MNS1: variants seen among roughly 807,000 people sequenced by gnomAD.
The protein encoded by MNS1 is meiosis specific nuclear structural 1.
A neutral mutation model predicts 72.0 loss-of-function variants in MNS1; 63 were observed. The observed-to-expected ratio is 0.87, with a 90% CI of 0.71 to 1.08. MNS1 has a LOEUF of 1.08. Among genes scored for constraint, MNS1 ranks in the 50% least tolerant of loss-of-function variants. MNS1 has a pLI of 0.00. For synonymous variants in MNS1, 188 were observed against 172.1 expected, an observed-to-expected ratio of 1.09 and a Z score of -0.72; for missense variants, 604 against 562.4, an observed-to-expected ratio of 1.07 and a Z score of -0.75.
At chr15:56,456,725 A>G (rs1462626759) in intron 2 of MNS1, among the ~76,000 whole-genome samples, 2 of 152,186 alleles carry the variant, frequency 1.3e-5, no homozygotes, top group African/African-American at 4.8e-5. Flanking sequence ...AATAGTAAGA[A>G]GAATATTTAA....
intron 2 of MNS1, among the ~76,000 whole-genome samples, chr15:56,458,159 A>G (rs1341213278): frequency 6.6e-6 from 1 of 152,258 alleles, no homozygotes; most frequent in Non-Finnish European, 1.5e-5. Context: ...TTCTTGGTAC[A>G]TGTTATTTTT....
chr15:56,453,943 T>C (rs777338416), intron 3 of MNS1, among the ~76,000 whole-genome samples: 2 of 152,252 alleles, frequency 1.3e-5, no homozygotes, highest in East Asian at 3.9e-4. Flanking sequence ...TTAAATAAAT[T>C]AGGACACATT....
At chr15:56,439,227 T>C (rs959726620) in intron 7 of MNS1, among the ~76,000 whole-genome samples, 10 of 152,108 alleles carry the variant, frequency 6.6e-5, no homozygotes, top group Non-Finnish European at 1.5e-4. Context: ...ACGTACAGGA[T>C]TTGTATGCTG....
In MNS1 at chr15:56,464,107, A is replaced by G. The variant is rs1211978496; in HGVS notation, c.144T>C (p.Asp48=). 6.2e-7 allele frequency: 1 copy of G among 1,614,168 alleles called. No individual in the cohort carries two copies. The highest frequency in any genetic ancestry group is 8.5e-7 in the Non-Finnish European group (1 of 1,180,018). Residue 48 remains aspartate, a synonymous_variant, in exon 2 of 10, where the codon GAT becomes GAC. Coordinates refer to ENST00000260453, the MANE Select transcript of MNS1 (RefSeq NM_018365.4). ...IRNQMVQNEN[D]NRVQRKQFLR... ...GAAATTGCTTGCGCTGAACACGGTT[A>G]TCATTTTCATTCTGCACCATTTGAT...
Position 56,446,879 on chromosome 15 carries a change from G to A in MNS1, c.418C>T (p.Gln140Ter). The change falls in exon 4 of 10, where the codon CAG becomes TAG. Residue 140 changes from glutamine to a stop codon, truncating the protein, a stop_gained. Transcript: ENST00000260453. LOFTEE classifies it high-confidence loss of function. ...TTAATGGCATCCTTTTCAGCAATCT[G>A]AGCTGCCCTTTCTTTATTCATGTAA... Reference protein sequence around the residue: ...AAYMNKERAAQIAEKDAIKYE... With the variant: ...AAYMNKERAA 3 of 1,610,510 alleles carry A rather than the reference G, an allele frequency of 1.9e-6. No individual in the cohort carries two copies. Among genetic ancestry groups the A allele is most frequent in the Non-Finnish European group, 2.5e-6 (3 of 1,178,976 alleles).
intron 3 of MNS1, among the ~76,000 whole-genome samples, chr15:56,453,131 A>G (rs774623290): frequency 2.6e-5 from 4 of 152,182 alleles, no homozygotes; most frequent in Non-Finnish European, 4.4e-5. Context: ...TTGACAATGC[A>G]AGATTCTTGA....
chr15:56,452,769 C>T (rs1435603827), intron 3 of MNS1, among the ~76,000 whole-genome samples: 27 of 152,074 alleles, frequency 1.8e-4, no homozygotes, highest in Admixed American at 1.3e-3. Flanking sequence ...CCACTCACCT[C>T]GGCCTCCCAA....
chr15:56,446,978 G>T, intron 3 of MNS1, 35 bp from the exon 4 acceptor site: 1 of 1,460,090 alleles, frequency 6.8e-7, no homozygotes, highest in Non-Finnish European at 9.5e-7. Flanking sequence ...TTAAATGTTA[G>T]GACCATAAGA....
In MNS1 at chr15:56,464,176, T is replaced by C; in HGVS notation, c.75A>G (p.Lys25=). 2.5e-6 allele frequency: 4 copies of C among 1,614,080 alleles called. No homozygotes were observed. Among genetic ancestry groups the C allele is most frequent in the Non-Finnish European group, 3.4e-6 (4 of 1,180,020 alleles). The change falls in exon 2 of 10, where the codon AAA becomes AAG. Residue 25 remains lysine (K), a synonymous_variant. Transcript: ENST00000260453. ...CGTTTTTTAGAGCTTGGACATGTAA[T>C]TTTTTGCAGTAGTTTTCATCTACTA... ...QKLVDENYCK[K]LHVQALKNVN...
At chr15:56,439,524 G>A (rs1206029442) in intron 7 of MNS1, among the ~76,000 whole-genome samples, 3 of 151,610 alleles carry the variant, frequency 2.0e-5, no homozygotes, top group Non-Finnish European at 4.4e-5. Context: ...TGGATACATA[G>A]ACCAACAGAA....
chr15:56,443,872 G>A lies in MNS1; in HGVS notation c.687-18C>T, dbSNP rs1218987928. On this transcript the variant is annotated intron_variant, in intron 5 of 9. Coordinates refer to ENST00000260453, the MANE Select transcript of MNS1 (RefSeq NM_018365.4). Reference sequence around the variant, plus strand: ...GTTTTTCCCTGAAAAGCAATAACAAGTACAGATTTATAGTAAACAATAAAA... The same window carrying A: ...GTTTTTCCCTGAAAAGCAATAACAAATACAGATTTATAGTAAACAATAAAA... The A allele has an allele frequency of 1.9e-6, 3 of 1,545,156 alleles. No individual in the cohort carries two copies. The highest frequency in any genetic ancestry group is 2.3e-5 in the East Asian group (1 of 44,324).
intron 2 of MNS1, among the ~76,000 whole-genome samples, chr15:56,460,729 A>G (rs1345887604): frequency 2.0e-5 from 3 of 152,244 alleles, no homozygotes; most frequent in African/African-American, 7.2e-5. Context: ...TGATAACCCA[A>G]GAATTATGAG....
In MNS1 at chr15:56,465,064, G is replaced by C; in HGVS notation, c.-92C>G. 2.0e-6 allele frequency: 3 copies of C among 1,537,822 alleles called. No homozygotes were observed. Among genetic ancestry groups the C allele is most frequent in the Non-Finnish European group, 2.6e-6 (3 of 1,137,466 alleles). On this transcript the variant is annotated 5_prime_UTR_variant, in exon 1 of 10. Coordinates refer to ENST00000260453, the MANE Select transcript of MNS1 (RefSeq NM_018365.4). Reference sequence around the variant, plus strand: ...GCCAGCAGCCCCAAGGAGCGCACCTGGCTGCGCGCGCTCGGGTGTTTACGC... The same window carrying C: ...GCCAGCAGCCCCAAGGAGCGCACCTCGCTGCGCGCGCTCGGGTGTTTACGC...
chr15:56,444,190 G>C (rs2050868156), intron 5 of MNS1, among the ~76,000 whole-genome samples: 1 of 151,956 alleles, frequency 6.6e-6, no homozygotes, highest in Non-Finnish European at 1.5e-5. Context: ...CATATGATAT[G>C]GGCATATATA....
intron 7 of MNS1, among the ~76,000 whole-genome samples, 190 bp from the exon 8 acceptor site, chr15:56,434,585 G>T (rs763744295): frequency 6.6e-6 from 1 of 152,038 alleles, no homozygotes; most frequent in Non-Finnish European, 1.5e-5. Flanking sequence ...CTTACATTTG[G>T]ATTGTTTTCT....
At chr15:56,431,739 G>C (rs1287114619) in intron 8 of MNS1, among the ~76,000 whole-genome samples, 1 of 151,744 alleles carries the variant, frequency 6.6e-6, no homozygotes. Flanking sequence ...ATATTTTCAG[G>C]AAAGTGTCTT....
chr15:56,461,004 C>T (rs770851111), intron 2 of MNS1, among the ~76,000 whole-genome samples: 29 of 151,968 alleles, frequency 1.9e-4, no homozygotes, highest in Admixed American at 2.6e-4. Flanking sequence ...CAGAAAGAGC[C>T]AATGTTTTAG....
intron 2 of MNS1, chr15:56,463,789 A>C (rs2051038717): frequency 2.2e-6 from 1 of 463,948 alleles, no homozygotes; most frequent in Admixed American, 3.9e-5. Flanking sequence ...CCAAAAAAAA[A>C]AAAAAGTAAA....
chr15:56,431,170 C>T (rs748261745), intron 9 of MNS1, among the ~76,000 whole-genome samples: 1 of 152,146 alleles, frequency 6.6e-6, no homozygotes, highest in Non-Finnish European at 1.5e-5. Flanking sequence ...CAAGCTCATA[C>T]ATCTAATAAT....
Sources: gnomAD v4.1 joint callset for allele counts (sites outside exome capture counted in the v4.1 genomes callset) on GRCh38, gnomAD v4.1.1 for gene constraint, MANE v1.5 for transcripts, NCBI Gene and HGNC (gene_info 2026-07-23, HGNC 2026-07-21) for gene names.